Variants in IGF1R observed in about 807,000 individuals in gnomAD.
IGF1R encodes the protein insulin-like growth factor 1 receptor.
A neutral mutation model predicts 144.6 loss-of-function variants in IGF1R; 44 were observed. The ratio of observed to expected loss-of-function variants is 0.30; its 90% CI spans 0.24 to 0.39. IGF1R has a LOEUF of 0.39. Ranked by LOEUF, IGF1R falls within the 10% of genes least tolerant of loss-of-function variation. The pLI is 1.00. For synonymous variants in IGF1R, 795 were observed against 722.8 expected (o/e 1.10, Z -1.60); for missense variants, 1,355 against 1,833.7 (o/e 0.74, Z 4.77).
At chr15:98,841,262 C>CA (rs898654445) in intron 2 of IGF1R, among the ~76,000 whole-genome samples, 93 of 151,256 alleles carry the variant, frequency 6.1e-4, no homozygotes, top group African/African-American at 1.6e-3. Flanking sequence ...AGATGAGCTA[C>CA]AAAAAAAAAT....
In IGF1R at chr15:98,705,377, G is replaced by A. The variant is rs79572415; in HGVS notation, c.95-2185G>A. Among the ~76,000 whole-genome samples, 31 of 152,242 alleles carry A rather than the reference G, an allele frequency of 2.0e-4. No individual in the cohort carries two copies. In the East Asian group the frequency reaches 5.8e-3, roughly 28 times the overall value. On this transcript the variant is annotated intron_variant, in intron 1 of 20. Transcript: ENST00000650285. ...AACCAGGAGGTGAGGGTGCTGAGAG[G>A]TGGGACTATTGACAAGCCTTGTGTC...
chr15:98,699,206 C>T lies in IGF1R; in HGVS notation c.95-8356C>T, dbSNP rs142076323. ...CCATCCACTGGCTCTACAGTCTGTC[C>T]TTCGGAGGTTTAGGGTGCTGTCTCA... On this transcript the variant is annotated intron_variant, in intron 1 of 20. Transcript: ENST00000650285. Among the ~76,000 whole-genome samples the T allele has an allele frequency of 7.7e-4, 117 of 152,338 alleles. 1 individual carries two copies. The highest frequency in any genetic ancestry group is 2.7e-3 in the African/African-American group (111 of 41,568).
At chr15:98,696,679 C>T (rs867788108) in intron 1 of IGF1R, among the ~76,000 whole-genome samples, 7 of 152,278 alleles carry the variant, frequency 4.6e-5, no homozygotes, top group Middle Eastern at 6.8e-3. Flanking sequence ...ATGTTACTAC[C>T]AGGGGGCTTG....
chr15:98,790,180 T>G (rs2056097044), intron 2 of IGF1R, among the ~76,000 whole-genome samples: 1 of 152,150 alleles, frequency 6.6e-6, no homozygotes, highest in Admixed American at 6.5e-5. Flanking sequence ...TGGCCCAGCT[T>G]ATCTGGCATT....
At chr15:98,929,073 A>G (rs1385409638) in intron 13 of IGF1R, among the ~76,000 whole-genome samples, 2 of 152,134 alleles carry the variant, frequency 1.3e-5, no homozygotes, top group African/African-American at 4.8e-5. Flanking sequence ...TAGAAATAGA[A>G]TGCTTGCTGC....
intron 2 of IGF1R, among the ~76,000 whole-genome samples, chr15:98,853,014 T>G (rs187094047): frequency 3.3e-5 from 5 of 152,220 alleles, no homozygotes; most frequent in Admixed American, 1.3e-4. Flanking sequence ...TTAAATTGCT[T>G]GGATGGGCAG....
chr15:98,686,071 C>G (rs1044589076), intron 1 of IGF1R, among the ~76,000 whole-genome samples: 4 of 152,212 alleles, frequency 2.6e-5, no homozygotes, highest in African/African-American at 9.7e-5. Flanking sequence ...TTGGCAACCG[C>G]CATTCCACTT....
At chr15:98,814,091 G>A (rs1293199554) in intron 2 of IGF1R, among the ~76,000 whole-genome samples, 2 of 152,088 alleles carry the variant, frequency 1.3e-5, no homozygotes, top group Non-Finnish European at 2.9e-5. Context: ...TATGTGACAT[G>A]GTTAATAACC....
At position 98,957,139 on chromosome 15, in the gene IGF1R, A is replaced by AG. The variant is rs1279640525; in HGVS notation, c.3802dup (p.Glu1268GlyfsTer106). Reference sequence around the variant, plus strand: ...TCCTGGAGATCATCAGCAGCATCAAAGAGGAGATGGAGCCTGGCTTCCGGG... The same window carrying AG: ...TCCTGGAGATCATCAGCAGCATCAAAGGAGGAGATGGAGCCTGGCTTCCGGG... On this transcript the variant is annotated frameshift_variant, in exon 21 of 21. Coordinates refer to ENST00000650285, the MANE Select transcript of IGF1R (RefSeq NM_000875.5). LOFTEE classifies it high-confidence loss of function. 6.2e-7 allele frequency: 1 copy of AG among 1,614,230 alleles called. No homozygotes were observed. The highest frequency in any genetic ancestry group is 1.3e-5 in the African/African-American group (1 of 75,054).
intron 5 of IGF1R, among the ~76,000 whole-genome samples, chr15:98,907,380 G>A (rs891619335): frequency 2.6e-5 from 4 of 152,212 alleles, no homozygotes; most frequent in African/African-American, 9.6e-5. Flanking sequence ...CAGGGCAGAC[G>A]AAGCCTTAGG....
chr15:98,669,369 C>T (rs2052827998), intron 1 of IGF1R, among the ~76,000 whole-genome samples: 1 of 152,150 alleles, frequency 6.6e-6, no homozygotes, highest in Admixed American at 6.5e-5. Flanking sequence ...ACCCCAATTA[C>T]CTGTTTGAAT....
At chr15:98,701,380 AGGCT>A (rs1347186161) in intron 1 of IGF1R, among the ~76,000 whole-genome samples, 1 of 118,562 alleles carries the variant, frequency 8.4e-6, no homozygotes, top group Non-Finnish European at 1.6e-5. Flanking sequence ...TCTGTCACCC[AGGCT>A]GGAGTGCAGT....
At chr15:98,665,189 G>T (rs1379353457) in intron 1 of IGF1R, among the ~76,000 whole-genome samples, 1 of 152,166 alleles carries the variant, frequency 6.6e-6, no homozygotes, top group African/African-American at 2.4e-5. Context: ...CTGACCTTGT[G>T]ATCCGCCCAC....
chr15:98,651,461 T>TA (rs894362807), intron 1 of IGF1R, among the ~76,000 whole-genome samples: 1 of 152,244 alleles, frequency 6.6e-6, no homozygotes, highest in Non-Finnish European at 1.5e-5. Context: ...GGAGGGTTTT[T>TA]ATCTTTAAAA....
chr15:98,726,280 C>A (rs527643807), intron 2 of IGF1R, among the ~76,000 whole-genome samples: 5 of 152,312 alleles, frequency 3.3e-5, no homozygotes, highest in African/African-American at 1.2e-4. Context: ...TTTTCCTGCC[C>A]ATTACTCTCC....
chr15:98,689,910 G>A (rs2053434223), intron 1 of IGF1R, among the ~76,000 whole-genome samples: 1 of 152,208 alleles, frequency 6.6e-6, no homozygotes, highest in Admixed American at 6.5e-5. Context: ...AAAGGAGAGG[G>A]ATCCTGTGCC....
At chr15:98,839,451 G>A (rs1214786045) in intron 2 of IGF1R, among the ~76,000 whole-genome samples, 2 of 152,194 alleles carry the variant, frequency 1.3e-5, no homozygotes, top group Non-Finnish European at 2.9e-5. Context: ...GGTTCAGATG[G>A]CTAGAAGTGG....
At chr15:98,880,361 C>T (rs918614419) in intron 2 of IGF1R, among the ~76,000 whole-genome samples, 6 of 152,204 alleles carry the variant, frequency 3.9e-5, no homozygotes, top group South Asian at 2.1e-4. Flanking sequence ...TCTTGCTTGC[C>T]CTTTTTGTGG....
At chr15:98,703,306 C>T (rs1225653596) in intron 1 of IGF1R, among the ~76,000 whole-genome samples, 1 of 152,140 alleles carries the variant, frequency 6.6e-6, no homozygotes, top group Non-Finnish European at 1.5e-5. Flanking sequence ...GGGTGTGTCT[C>T]TCCCTCTTGT....
Sources: gnomAD v4.1 joint callset for allele counts (sites outside exome capture counted in the v4.1 genomes callset) on GRCh38, gnomAD v4.1.1 for gene constraint, MANE v1.5 for transcripts, NCBI Gene and HGNC (gene_info 2026-07-23, HGNC 2026-07-21) for gene names.